Variants in JAK1 observed in about 807,000 individuals in gnomAD.
The protein encoded by JAK1 is Janus kinase 1.
In JAK1, 16 loss-of-function variants were observed where a neutral mutation model predicts 136.6. The observed-to-expected ratio is 0.12, with a 90% CI of 0.08 to 0.18. JAK1 has a LOEUF of 0.18. Ranked by LOEUF, JAK1 falls within the 10% of genes least tolerant of loss-of-function variation. JAK1 has a pLI of 1.00. For missense variants in JAK1, 859 were observed against 1,450.1 expected (o/e 0.59, Z 6.62); for synonymous variants, 492 against 519.5 (o/e 0.95, Z 0.72).
chr1:64,935,596 C>T (rs1645775200), intron 1 of JAK1, among the ~76,000 whole-genome samples: 1 of 152,018 alleles, frequency 6.6e-6, no homozygotes, highest in Non-Finnish European at 1.5e-5. Context: ...CCACCGCACC[C>T]AGCCCATAAT....
chr1:64,901,856 T>C (rs893453901), intron 1 of JAK1, among the ~76,000 whole-genome samples: 4 of 152,116 alleles, frequency 2.6e-5, no homozygotes, highest in Non-Finnish European at 5.9e-5. Flanking sequence ...AGACATTTCA[T>C]AGAAATTGAA....
Position 64,951,629 on chromosome 1 carries a change from T to C in JAK1, c.-78+14704A>G, listed in dbSNP as rs1646088616. Reference sequence around the variant, plus strand: ...CTCAAATAAATACACCAGCAGCCCTTAGCTATAAACAAGTTCTGCCTTTTT... The same window carrying C: ...CTCAAATAAATACACCAGCAGCCCTCAGCTATAAACAAGTTCTGCCTTTTT... On this transcript the variant is annotated intron_variant, in intron 1 of 24. Coordinates refer to ENST00000342505, the MANE Select transcript of JAK1 (RefSeq NM_002227.4). Among the ~76,000 whole-genome samples the C allele has an allele frequency of 2.0e-5, 3 of 148,348 alleles. No homozygotes were observed. In the South Asian group the frequency reaches 6.4e-4, roughly 32 times the overall value.
upstream of JAK1, among the ~76,000 whole-genome samples, chr1:64,967,303 G>T (rs1315744048): frequency 6.6e-6 from 1 of 152,126 alleles, no homozygotes; most frequent in African/African-American, 2.4e-5. Context: ...TCTCCAATCA[G>T]TTCACTTGTC....
chr1:64,985,228 AGAACACAGTATT>A, intron 2 of JAK1: 1 of 1,596,740 alleles, frequency 6.3e-7, no homozygotes, highest in Non-Finnish European at 8.6e-7. Flanking sequence ...GTTGAGTAAT[AGAACACAGTATT>A]GATTACAGAG....
At chr1:64,947,927 A>G (rs938825860) in intron 1 of JAK1, among the ~76,000 whole-genome samples, 3 of 152,198 alleles carry the variant, frequency 2.0e-5, no homozygotes, top group Non-Finnish European at 2.9e-5. Context: ...CAATTCATAG[A>G]AAGTTTATAC....
intron 6 of JAK1, 100 bp from the exon 7 acceptor site, chr1:64,867,308 G>A: frequency 1.2e-6 from 1 of 813,846 alleles, no homozygotes; most frequent in Admixed American, 2.8e-5. Context: ...GTTGCCAAAT[G>A]GGAAAGGGAG....
At chr1:64,843,654 A>C (rs966903841) in intron 17 of JAK1, among the ~76,000 whole-genome samples, 1 of 152,172 alleles carries the variant, frequency 6.6e-6, no homozygotes, top group Non-Finnish European at 1.5e-5. Context: ...CCTGTATCTT[A>C]TTTTATAGTG....
chr1:64,850,025 T>C (rs1655486959), intron 12 of JAK1, among the ~76,000 whole-genome samples: 2 of 152,118 alleles, frequency 1.3e-5, no homozygotes, highest in South Asian at 4.1e-4. Context: ...CTCCCCAGGC[T>C]CCTTCACAGC....
chr1:65,039,209 A>G (rs1647106014), intron 2 of JAK1, among the ~76,000 whole-genome samples: 1 of 152,230 alleles, frequency 6.6e-6, no homozygotes, highest in Non-Finnish European at 1.5e-5. Flanking sequence ...GTGTGCCACC[A>G]CTGCCAACCT....
At chr1:64,923,670 A>T (rs1416141290) in intron 1 of JAK1, among the ~76,000 whole-genome samples, 1 of 152,186 alleles carries the variant, frequency 6.6e-6, no homozygotes, top group Non-Finnish European at 1.5e-5. Flanking sequence ...ACCAGCCAAA[A>T]ACAACTTTAT....
intron 2 of JAK1, among the ~76,000 whole-genome samples, chr1:64,976,078 G>A (rs1646495561): frequency 6.6e-6 from 1 of 152,186 alleles, no homozygotes; most frequent in Non-Finnish European, 1.5e-5. Context: ...TGGGAGTGAT[G>A]GTAAGTGGGA....
chr1:65,012,798 A>G (rs1646860061), intron 2 of JAK1, among the ~76,000 whole-genome samples: 1 of 127,712 alleles, frequency 7.8e-6, no homozygotes, highest in East Asian at 2.0e-4. Flanking sequence ...CCCTGTCTCA[A>G]AAAAAAAAAA....
chr1:64,978,807 G>A (rs1341286098), intron 2 of JAK1, among the ~76,000 whole-genome samples: 1 of 151,634 alleles, frequency 6.6e-6, no homozygotes, highest in Non-Finnish European at 1.5e-5. Flanking sequence ...AAAGGCTGCT[G>A]GATCAGAAAG....
At chr1:64,935,630 C>A (rs572814290) in intron 1 of JAK1, among the ~76,000 whole-genome samples, 45 of 152,316 alleles carry the variant, frequency 3.0e-4, no homozygotes, top group African/African-American at 1.1e-3. Flanking sequence ...AACTCTCCAA[C>A]AACCTGTCCT....
intron 1 of JAK1, among the ~76,000 whole-genome samples, chr1:65,055,798 T>A (rs1647507687): frequency 6.6e-6 from 1 of 152,130 alleles, no homozygotes; most frequent in South Asian, 2.1e-4. Context: ...CCTTCTTGTT[T>A]AGAGGAAAGG....
rs1339239575 is a variant in JAK1 at position 64,846,683 on chromosome 1, C to A, written c.1953G>T (p.Val651=). 6.2e-7 allele frequency: 1 copy of A among 1,614,072 alleles called. No individual in the cohort carries two copies. The change falls in exon 14 of 25, where the codon GTG becomes GTT. Residue 651 remains valine (V), a synonymous_variant. Transcript: ENST00000342505. ...MMRQVSHKHI[V]YLYGVCVRDV... ...CGCGGACACAGACGCCATAGAGGTA[C>A]ACGATGTGTTTGTGGGAGACCTGTC...
At chr1:64,995,525 T>C (rs1479207430) in intron 2 of JAK1, among the ~76,000 whole-genome samples, 1 of 152,196 alleles carries the variant, frequency 6.6e-6, no homozygotes, top group East Asian at 1.9e-4. Flanking sequence ...GTTTGTTTGT[T>C]TACTTAAGGA....
intron 2 of JAK1, among the ~76,000 whole-genome samples, chr1:64,988,196 C>A (rs912868527): frequency 1.5e-4 from 23 of 152,192 alleles, no homozygotes; most frequent in African/African-American, 4.8e-4. Context: ...GTTTTCAGTC[C>A]CATCCCTTCT....
intron 2 of JAK1, among the ~76,000 whole-genome samples, chr1:65,037,370 C>T (rs1225112954): frequency 4.6e-5 from 7 of 151,896 alleles, no homozygotes; most frequent in Admixed American, 4.6e-4. Flanking sequence ...GCCTCAAACT[C>T]CTGGCTCAAC....
Sources: allele counts gnomAD v4.1 joint callset (sites outside exome capture counted in the v4.1 genomes callset), GRCh38; gene constraint gnomAD v4.1.1; transcripts MANE v1.5; gene names NCBI Gene and HGNC (gene_info 2026-07-23, HGNC 2026-07-21).